PIBF1: variants seen among roughly 807,000 people sequenced by gnomAD.
PIBF1 encodes progesterone-induced-blocking factor 1.
Under a neutral mutation model 112.5 loss-of-function variants are expected in PIBF1, and 90 were observed. The observed-to-expected ratio is 0.80, with a 90% CI of 0.67 to 0.95. The LOEUF (loss-of-function observed/expected upper bound fraction) is 0.95, where lower values mean the gene tolerates loss of function less well. PIBF1 is among the 40% of genes least tolerant of loss of function. The pLI, the probability that PIBF1 is intolerant of heterozygous loss-of-function variation, is 0.00. For synonymous variants in PIBF1, 301 were observed against 288.6 expected (o/e 1.04, Z -0.44); for missense variants, 915 against 852.3 (o/e 1.07, Z -0.92).
At chr13:72,850,664 T>C (rs1434693813) in intron 9 of PIBF1, among the ~76,000 whole-genome samples, 1 of 152,246 alleles carries the variant, frequency 6.6e-6, no homozygotes, top group African/African-American at 2.4e-5. Flanking sequence ...TGAAGCTGTA[T>C]TTGAGAAATG....
At chr13:72,868,549 A>G (rs1013129381) in intron 10 of PIBF1, among the ~76,000 whole-genome samples, 1 of 152,184 alleles carries the variant, frequency 6.6e-6, no homozygotes, top group African/African-American at 2.4e-5. Flanking sequence ...AATGTTCTGT[A>G]TGTTGGTGTA....
chr13:72,855,474 C>A (rs1419261130), intron 10 of PIBF1, among the ~76,000 whole-genome samples: 1 of 152,000 alleles, frequency 6.6e-6, no homozygotes, highest in Non-Finnish European at 1.5e-5. Flanking sequence ...CATGGTAAAA[C>A]CCCGTCTCTA....
chr13:72,990,856 T>A (rs1315295236), intron 16 of PIBF1, among the ~76,000 whole-genome samples: 2 of 152,026 alleles, frequency 1.3e-5, no homozygotes, highest in Non-Finnish European at 2.9e-5. Flanking sequence ...TCAAATAAAT[T>A]AATTAATTAA....
At chr13:72,785,387 GAC>G (rs1323670551) in intron 2 of PIBF1, among the ~76,000 whole-genome samples, 1 of 152,122 alleles carries the variant, frequency 6.6e-6, no homozygotes, top group African/African-American at 2.4e-5. Context: ...AACGGTGCCT[GAC>G]ACAAATTAAG....
chr13:72,953,841 C>T (rs892315139), intron 14 of PIBF1, among the ~76,000 whole-genome samples: 1 of 152,094 alleles, frequency 6.6e-6, no homozygotes, highest in African/African-American at 2.4e-5. Context: ...GGAATTTGTG[C>T]TTGCCTTATG....
chr13:72,791,797 T>C (rs1236807788), intron 2 of PIBF1, among the ~76,000 whole-genome samples: 1 of 151,990 alleles, frequency 6.6e-6, no homozygotes, highest in Non-Finnish European at 1.5e-5. Flanking sequence ...CATGCCTGGC[T>C]AATTTTTGTA....
intron 14 of PIBF1, 70 bp from the exon 15 acceptor site, chr13:72,965,204 T>C: frequency 7.6e-7 from 1 of 1,319,110 alleles, no homozygotes; most frequent in East Asian, 2.3e-5. Context: ...ATATTTGTGC[T>C]AGAGCATTTT....
chr13:72,878,933 G>A lies in PIBF1; in HGVS notation c.1323-14851G>A, dbSNP rs1289791891. On this transcript the variant is annotated intron_variant, in intron 10 of 17. Coordinates refer to ENST00000326291, the MANE Select transcript of PIBF1 (RefSeq NM_006346.4). ...CTGAAATTAATGCAAGCTACTCCCA[G>A]TTTCTTTTGAGTAGTGTTATAATGG... 5.2e-4 allele frequency among the ~76,000 whole-genome samples: 79 copies of A among 151,962 alleles called. 2 individuals carry two copies. Among genetic ancestry groups the A allele is most frequent in the Admixed American group, 5.2e-3 (79 of 15,234 alleles).
intron 10 of PIBF1, among the ~76,000 whole-genome samples, chr13:72,882,329 A>G (rs1255063387): frequency 4.6e-5 from 7 of 152,214 alleles, no homozygotes; most frequent in Non-Finnish European, 1.0e-4. Flanking sequence ...ACCTCAAACT[A>G]TAAAACTACT....
chr13:72,815,245 CAG>C (rs559612641), intron 5 of PIBF1, among the ~76,000 whole-genome samples: 129 of 152,276 alleles, frequency 8.5e-4, no homozygotes, highest in African/African-American at 3.0e-3. Flanking sequence ...TATGATTAAA[CAG>C]AGTATATTCC....
chr13:72,920,813 GA>G (rs898947986), intron 13 of PIBF1, among the ~76,000 whole-genome samples: 24 of 146,640 alleles, frequency 1.6e-4, no homozygotes, highest in African/African-American at 1.3e-4. Context: ...AAAAAGAAAA[GA>G]AAAAAAAAAT....
At chr13:72,867,916 A>T (rs1479014761) in intron 10 of PIBF1, among the ~76,000 whole-genome samples, 1 of 152,182 alleles carries the variant, frequency 6.6e-6, no homozygotes, top group Non-Finnish European at 1.5e-5. Flanking sequence ...TCTTGGCTAG[A>T]TTATTCATAG....
At chr13:72,814,710 T>C (rs2036187016) in intron 5 of PIBF1, among the ~76,000 whole-genome samples, 1 of 151,640 alleles carries the variant, frequency 6.6e-6, no homozygotes, top group Non-Finnish European at 1.5e-5. Flanking sequence ...CAAAGGAAAA[T>C]CTGTAGCCGG....
In PIBF1 at chr13:73,013,367, G is replaced by A. The variant is rs556740744; in HGVS notation, c.2224-2502G>A. Among the ~76,000 whole-genome samples the A allele has an allele frequency of 8.8e-5, 12 of 137,116 alleles. No homozygotes were observed. In the South Asian group the frequency reaches 2.5e-3, roughly 29 times the overall value. The allele number at this position is 137,116 out of a possible 152,430, so 90.0% of individuals were successfully genotyped here. A position where few individuals can be genotyped will look rare whatever the true frequency, so the allele number is the denominator to read the frequency against. ...AGATGGAAGAAAGAAAGGAAGAGAA[G>A]AAATATTTGAAACGGTGACAGAATT... is the stretch of plus-strand genomic sequence containing the variant. On this transcript the variant is annotated intron_variant, in intron 17 of 17. Coordinates refer to ENST00000326291, the MANE Select transcript of PIBF1 (RefSeq NM_006346.4).
intron 16 of PIBF1, among the ~76,000 whole-genome samples, chr13:72,997,480 G>GCCTGGTC (rs2043716839): frequency 2.6e-5 from 4 of 152,192 alleles, no homozygotes; most frequent in Admixed American, 2.6e-4. Context: ...CTGCAGAAAG[G>GCCTGGTC]AGAAAGGATT....
intron 9 of PIBF1, among the ~76,000 whole-genome samples, chr13:72,846,491 C>T (rs1341857419): frequency 6.6e-6 from 1 of 152,134 alleles, no homozygotes; most frequent in Non-Finnish European, 1.5e-5. Context: ...CTCCTCTACT[C>T]AAATAAAAAG....
intron 9 of PIBF1, among the ~76,000 whole-genome samples, chr13:72,843,381 G>A (rs1050379254): frequency 6.6e-6 from 1 of 152,224 alleles, no homozygotes; most frequent in Non-Finnish European, 1.5e-5. Context: ...TAGTGTCAGA[G>A]TGATTGGTGA....
intron 17 of PIBF1, among the ~76,000 whole-genome samples, chr13:73,011,624 G>GA (rs1433023292): frequency 6.6e-6 from 1 of 151,938 alleles, no homozygotes; most frequent in Non-Finnish European, 1.5e-5. Flanking sequence ...AAAAAACTGA[G>GA]AAACGTGTGT....
chr13:72,960,344 G>A (rs1250461704), intron 14 of PIBF1, among the ~76,000 whole-genome samples: 1 of 152,140 alleles, frequency 6.6e-6, no homozygotes, highest in Non-Finnish European at 1.5e-5. Context: ...CTGGGAGGTC[G>A]AGGCTGCAGT....
Sources: allele counts gnomAD v4.1 joint callset (sites outside exome capture counted in the v4.1 genomes callset), GRCh38; gene constraint gnomAD v4.1.1; transcripts MANE v1.5; gene names NCBI Gene and HGNC (gene_info 2026-07-23, HGNC 2026-07-21).